The following EIF4G3 variants were observed in gnomAD, a reference collection of about 807,000 sequenced individuals.
The protein encoded by EIF4G3 is eIF-4-gamma 3.
Under a neutral mutation model 186.4 loss-of-function variants are expected in EIF4G3, and 34 were observed. The ratio of observed to expected loss-of-function variants is 0.18; its 90% CI spans 0.14 to 0.24. The LOEUF (loss-of-function observed/expected upper bound fraction) is 0.24. Among genes scored for constraint, EIF4G3 ranks in the 10% least tolerant of loss-of-function variants. The pLI, the probability that EIF4G3 is intolerant of heterozygous loss-of-function variation, is 1.00. For missense variants in EIF4G3, 1,536 were observed against 1,948.5 expected (o/e 0.79, Z 3.99); for synonymous variants, 673 against 679.5 (o/e 0.99, Z 0.15).
At chr1:21,106,849 G>C (rs530817519) in intron 2 of EIF4G3, among the ~76,000 whole-genome samples, 1 of 152,074 alleles carries the variant, frequency 6.6e-6, no homozygotes, top group Admixed American at 6.6e-5. Flanking sequence ...CAGATGTTAC[G>C]GTAGCCATTC....
rs375654646 is a variant in EIF4G3, at chr1:21,018,360, T to G, written c.-66-15552A>C. On this transcript the variant is annotated intron_variant, in intron 4 of 36. Transcript: ENST00000602326. ...CCTTTGGGAGGCCGAGGCGGGCGGA[T>G]CACAAGGTCAGTAGTTCAAGACCAG... Among the ~76,000 whole-genome samples the G allele has an allele frequency of 3.7e-4, 56 of 152,090 alleles. No homozygotes were observed. The East Asian group carries it at 9.1e-3, about 25-fold the overall frequency.
chr1:20,861,089 A>G (rs2076215843), intron 23 of EIF4G3, among the ~76,000 whole-genome samples: 2 of 152,216 alleles, frequency 1.3e-5, no homozygotes, highest in Admixed American at 1.3e-4. Context: ...GTCACTTTAT[A>G]CTTCTCCCTT....
In EIF4G3 at chr1:20,813,229, T is replaced by C. The variant is rs1570854939; in HGVS notation, c.4526A>G (p.Asp1509Gly). 3 of 1,613,086 alleles carry C rather than the reference T, an allele frequency of 1.9e-6. No homozygotes were observed. The highest frequency in any genetic ancestry group is 2.5e-6 in the Non-Finnish European group (3 of 1,179,426). ...QIFDWVEANL[D>G]EIQMSSPTFL... Reference sequence around the variant, plus strand: ...TGTAGGTGAACTCATCTGGATTTCGTCTAGATTAGCCTGAAGTCAAAAAGA... The same window carrying C: ...TGTAGGTGAACTCATCTGGATTTCGCCTAGATTAGCCTGAAGTCAAAAAGA... Residue 1509 changes from aspartate to glycine, a missense_variant, in exon 35 of 37, where the codon GAC (aspartate) becomes GGC (glycine). Asp to Gly is a moderately conservative substitution (Grantham distance 94). This residue lies in a region of EIF4G3 where 395 missense variants were observed against 498.9 expected (regional missense o/e 0.79). Transcript: ENST00000602326.
intron 4 of EIF4G3, among the ~76,000 whole-genome samples, chr1:21,005,223 ATT>A (rs2084721873): frequency 1.3e-5 from 2 of 152,132 alleles, no homozygotes; most frequent in South Asian, 4.1e-4. Flanking sequence ...TTCAACTTCT[ATT>A]TGAGAATCTG....
At position 20,813,238 on chromosome 1, in the gene EIF4G3, G is replaced by C; in HGVS notation, c.4517C>G (p.Ala1506Gly). ...ACTCATCTGGATTTCGTCTAGATTA[G>C]CCTGAAGTCAAAAAGAAATAAAACA... The part of the protein sequence containing the change: ...NDEQIFDWVE[A>G]NLDEIQMSSP... Residue 1506 changes from alanine to glycine, a missense_variant and splice_region_variant, in exon 35 of 37, where the codon GCT (alanine) becomes GGT (glycine). Coordinates refer to ENST00000602326, the MANE Select transcript of EIF4G3 (RefSeq NM_001391906.1). The C allele has an allele frequency of 6.2e-7, 1 of 1,611,236 alleles. No individual in the cohort carries two copies.
intron 2 of EIF4G3, among the ~76,000 whole-genome samples, chr1:21,112,760 T>C (rs2096748058): frequency 6.6e-6 from 1 of 152,176 alleles, no homozygotes; most frequent in Non-Finnish European, 1.5e-5. Context: ...ATAATAAAAA[T>C]ATTCTCAAAT....
intron 2 of EIF4G3, among the ~76,000 whole-genome samples, chr1:21,100,077 C>T (rs1312571035): frequency 6.6e-6 from 1 of 152,072 alleles, no homozygotes; most frequent in Non-Finnish European, 1.5e-5. Flanking sequence ...ACCTTGAAAA[C>T]ATTATGGTAA....
intron 2 of EIF4G3, among the ~76,000 whole-genome samples, chr1:21,133,951 T>A (rs1054286964): frequency 6.6e-6 from 1 of 152,214 alleles, no homozygotes; most frequent in Non-Finnish European, 1.5e-5. Flanking sequence ...GTCGTTGAAC[T>A]GTACTTACTG....
intron 2 of EIF4G3, among the ~76,000 whole-genome samples, chr1:21,138,368 T>A (rs1268054145): frequency 1.3e-5 from 2 of 152,078 alleles, no homozygotes; most frequent in Non-Finnish European, 2.9e-5. Flanking sequence ...AAGAGTGACC[T>A]GAAGAAAAAT....
At chr1:20,945,190 AG>A (rs1486843863) in intron 13 of EIF4G3, among the ~76,000 whole-genome samples, 3 of 152,152 alleles carry the variant, frequency 2.0e-5, no homozygotes, top group African/African-American at 7.2e-5. Context: ...TATTATAAAA[AG>A]TTTGGCCATC....
chr1:21,118,783 C>A (rs60854318), intron 2 of EIF4G3, among the ~76,000 whole-genome samples: 2 of 141,058 alleles, frequency 1.4e-5, no homozygotes, highest in Admixed American at 7.2e-5. Flanking sequence ...GAGACTACAT[C>A]TCAAAAAAAA....
chr1:21,054,095 A>G (rs1031794561), intron 3 of EIF4G3, among the ~76,000 whole-genome samples: 6 of 152,216 alleles, frequency 3.9e-5, no homozygotes, highest in African/African-American at 1.2e-4. Flanking sequence ...AGAGGTAGAC[A>G]TGGGAGACTT....
intron 2 of EIF4G3, among the ~76,000 whole-genome samples, chr1:21,136,765 A>G (rs7531183): frequency 0.97 from 147,103 of 152,230 alleles, 71,282 homozygotes; most frequent in East Asian, 1. Context: ...AAATCTGCTC[A>G]TTCTGATTCT....
At chr1:21,027,453 A>G (rs893739388) in intron 4 of EIF4G3, among the ~76,000 whole-genome samples, 6 of 151,916 alleles carry the variant, frequency 3.9e-5, no homozygotes, top group African/African-American at 1.5e-4. Flanking sequence ...ACCCAGTGAA[A>G]GCCTGTGTCT....
At chr1:20,996,478 G>C (rs1483723261) in intron 7 of EIF4G3, among the ~76,000 whole-genome samples, 3 of 152,094 alleles carry the variant, frequency 2.0e-5, no homozygotes, top group African/African-American at 7.2e-5. Context: ...ACTCAGATTT[G>C]CTTTGCCTTT....
At chr1:20,878,990 G>A (rs556491335) in intron 20 of EIF4G3, among the ~76,000 whole-genome samples, 46 of 152,246 alleles carry the variant, frequency 3.0e-4, no homozygotes, top group Middle Eastern at 3.4e-3. Context: ...GTGAAAGCAC[G>A]CATTTGCTTG....
chr1:21,147,621 G>A (rs548598764), intron 2 of EIF4G3, among the ~76,000 whole-genome samples: 8 of 151,916 alleles, frequency 5.3e-5, no homozygotes, highest in African/African-American at 9.7e-5. Context: ...GTGAGCCACC[G>A]CACCCAACCT....
At chr1:20,808,802 AT>A in intron 36 of EIF4G3, among the ~76,000 whole-genome samples, 1 of 152,184 alleles carries the variant, frequency 6.6e-6, no homozygotes, top group Non-Finnish European at 1.5e-5. Context: ...TATCCGTGTG[AT>A]TTTAATTCTC....
In EIF4G3 at chr1:20,815,058, T is replaced by G. The variant is rs1167127989; in HGVS notation, c.4516-1819A>C. ...CCTCGGCCTCCCGAGGTGCCGGGAT[T>G]GCAGACGGAGTCTCGTTCACTCAGT... is the stretch of plus-strand genomic sequence containing the variant. On this transcript the variant is annotated intron_variant, in intron 34 of 36. Transcript: ENST00000602326. 1.3e-3 allele frequency among the ~76,000 whole-genome samples: 97 copies of G among 75,000 alleles called. No individual in the cohort carries two copies. The East Asian group carries it at 0.034, about 26-fold the overall frequency. 49.2% of individuals were successfully genotyped at this position (75,000 alleles called of 152,430 possible). A position where few individuals can be genotyped will look rare whatever the true frequency, so the allele number is the denominator to read the frequency against.
Sources: allele counts gnomAD v4.1 joint callset (sites outside exome capture counted in the v4.1 genomes callset), GRCh38; gene constraint gnomAD v4.1.1; regional missense constraint gnomAD v4.1.1; transcripts MANE v1.5; gene names NCBI Gene and HGNC (gene_info 2026-07-23, HGNC 2026-07-21).